HMG20B: variants seen among roughly 807,000 people sequenced by gnomAD.
HMG20B encodes high mobility group 20B, also known as SWI/SNF-related matrix-associated actin-dependent regulator of chromatin subfamily E member 1-related.
A neutral mutation model predicts 41.6 loss-of-function variants in HMG20B; 24 were observed. The observed-to-expected ratio is 0.58, with a 90% CI of 0.42 to 0.81. The LOEUF (loss-of-function observed/expected upper bound fraction) is 0.81. HMG20B is among the 30% of genes least tolerant of loss of function. HMG20B has a pLI of 0.00. For synonymous variants in HMG20B, 251 were observed against 186.6 expected (o/e 1.34, Z -2.81); for missense variants, 461 against 444.0 (o/e 1.04, Z -0.34).
chr19:3,577,853 G>A, intron 8 of HMG20B, 128 bp from the exon 9 acceptor site: 1 of 822,628 alleles, frequency 1.2e-6, no homozygotes, highest in Non-Finnish European at 1.8e-6. Context: ...CGCCGCTCCT[G>A]CGCTGGCGGT....
intron 4 of HMG20B, 92 bp downstream of exon 4, chr19:3,574,678 T>C (rs1009426312): frequency 8.1e-7 from 1 of 1,228,950 alleles, no homozygotes; most frequent in Non-Finnish European, 1.1e-6. Context: ...GTGCAGGGTT[T>C]TTCCTTCTTC....
rs983683476 is a variant in HMG20B at position 3,578,361 on chromosome 19, G to T, written c.942-148G>T. 1.0e-5 allele frequency: 13 copies of T among 1,260,220 alleles called. No homozygotes were observed. The South Asian group carries it at 1.6e-4, about 15-fold the overall frequency. The allele number at this position is 1,260,220 out of a possible 1,614,324, so 78.1% of individuals were successfully genotyped here. On this transcript the variant is annotated intron_variant, in intron 9 of 9. Transcript: ENST00000333651. Reference sequence around the variant, plus strand: ...AAAGCTTCTCAGGGTGGATCCCAGCGCCCGGGTTAGATAGGTTCAACGCCT... The same window carrying T: ...AAAGCTTCTCAGGGTGGATCCCAGCTCCCGGGTTAGATAGGTTCAACGCCT...
At chr19:3,575,095 A>G (rs933449742) in intron 4 of HMG20B, among the ~76,000 whole-genome samples, 26 of 152,332 alleles carry the variant, frequency 1.7e-4, no homozygotes, top group Admixed American at 7.2e-4. Context: ...AGATATGTCT[A>G]AGAAGTCAGG....
rs750945061 is a variant in HMG20B at position 3,578,045 on chromosome 19, C to A, written c.873C>A (p.Ile291=). 5 of 1,610,516 alleles carry A rather than the reference C, an allele frequency of 3.1e-6. No individual in the cohort carries two copies. Among genetic ancestry groups the A allele is most frequent in the Admixed American group, 1.7e-5 (1 of 59,888 alleles). Residue 291 remains isoleucine (I), a synonymous_variant, in exon 9 of 10, where the codon ATC becomes ATA. Coordinates refer to ENST00000333651, the MANE Select transcript of HMG20B (RefSeq NM_006339.3). The part of the protein sequence containing the change: ...DFYMARLHGA[I]ERDPAQHEKL... ...ACATGGCCCGGCTTCACGGAGCCAT[C>A]GAGCGCGACCCCGCCCAGCACGAGA...
rs1395885534 is a variant in HMG20B at position 3,579,053 on chromosome 19, T to A, written c.*532T>A. The A allele has an allele frequency of 6.0e-6, 2 of 335,652 alleles. No homozygotes were observed. The highest frequency in any genetic ancestry group is 2.2e-5 in the African/African-American group (1 of 46,254). The allele number at this position is 335,652 out of a possible 1,614,324, so 20.8% of individuals were successfully genotyped here. A position where few individuals can be genotyped will look rare whatever the true frequency, so the allele number is the denominator to read the frequency against. On this transcript the variant is annotated 3_prime_UTR_variant, in exon 10 of 10. Transcript: ENST00000333651. The surrounding 1 kb of genome is among the most constrained non-coding windows in gnomAD (Gnocchi z 7.4). Reference sequence around the variant, plus strand: ...TTCTCACTGCTGGATCCGGACTTTTTAAATAAAAACAAGTAAAATTTGTGT... The same window carrying A: ...TTCTCACTGCTGGATCCGGACTTTTAAAATAAAAACAAGTAAAATTTGTGT...
At chr19:3,577,904 CCCCCTACCGCTG>C in intron 8 of HMG20B, 65 bp from the exon 9 acceptor site, 2 of 1,364,952 alleles carry the variant, frequency 1.5e-6, no homozygotes, top group Admixed American at 4.4e-5. Flanking sequence ...CCCTGAGTCA[CCCCCTACCGCTG>C]CCCCTGGAGC....
At position 3,574,388 on chromosome 19, in the gene HMG20B, G is replaced by A. The variant is rs775365876; in HGVS notation, c.153G>A (p.Val51=). ...GACGCAGCCCGGTTCTGCAGCCGGT[G>A]AAGAAACGCGGCTGGCCCAAGGGCA... ...GEKGSHEEEP[V]KKRGWPKGKK... is the part of the protein sequence containing the mutation. The change falls in exon 4 of 10, where the codon GTG becomes GTA. Residue 51 remains valine (V), a synonymous_variant. Transcript: ENST00000333651. The A allele has an allele frequency of 3.8e-6, 6 of 1,587,478 alleles. No homozygotes were observed. The highest frequency in any genetic ancestry group is 5.1e-6 in the Non-Finnish European group (6 of 1,167,736).
chr19:3,576,830 C>A, intron 7 of HMG20B, 62 bp from the exon 8 acceptor site: 2 of 1,527,670 alleles, frequency 1.3e-6, no homozygotes, highest in South Asian at 2.4e-5. Flanking sequence ...ACGTCCCGGG[C>A]AAAAGCCCGG....
chr19:3,574,397 C>A lies in HMG20B; in HGVS notation c.162C>A (p.Arg54=), dbSNP rs760416634. The A allele has an allele frequency of 3.1e-6, 5 of 1,594,204 alleles. No homozygotes were observed. The South Asian group carries it at 3.4e-5, about 11-fold the overall frequency. The change falls in exon 4 of 10, where the codon CGC becomes CGA. Residue 54 remains arginine, a synonymous_variant. Transcript: ENST00000333651. ...GSHEEEPVKK[R]GWPKGKKRKK... ...CGGTTCTGCAGCCGGTGAAGAAACG[C>A]GGCTGGCCCAAGGGCAAGAAGCGGA...
chr19:3,576,956 A>G lies in HMG20B; in HGVS notation c.657A>G (p.Val219=). ...TGGCCTTCGAGGAGCAGAACGCGGT[A>G]CTGCAGAGGCACACGCAGAGCATGA... is the stretch of plus-strand genomic sequence containing the variant. ...MNVAFEEQNA[V]LQRHTQSMSS... The change falls in exon 8 of 10, where the codon GTA becomes GTG. Residue 219 remains valine, a synonymous_variant. Coordinates refer to ENST00000333651, the MANE Select transcript of HMG20B (RefSeq NM_006339.3). 6.3e-7 allele frequency: 1 copy of G among 1,582,082 alleles called. No homozygotes were observed. Among genetic ancestry groups the G allele is most frequent in the Non-Finnish European group, 8.6e-7 (1 of 1,165,636 alleles).
chr19:3,576,772 TGTG>T (rs2032170315), intron 7 of HMG20B, 117 bp from the exon 8 acceptor site: 2 of 1,285,366 alleles, frequency 1.6e-6, no homozygotes, highest in South Asian at 2.6e-5. Flanking sequence ...CAGAGGCTGA[TGTG>T]GAGCAGGAGG....
In HMG20B at chr19:3,573,278, CGTCCGTGTTCCAG is replaced by C; in HGVS notation, c.-18-8_-14del. On this transcript the variant is annotated splice_acceptor_variant and splice_polypyrimidine_tract_variant and intron_variant, in intron 1 of 9. Coordinates refer to ENST00000333651, the MANE Select transcript of HMG20B (RefSeq NM_006339.3). LOFTEE classifies it low-confidence loss of function (5UTR_SPLICE). ...CCCGGGCGCTACTCACCTCCGCCCG[CGTCCGTGTTCCAG>C]GTCCGGCCCGGAGCGGCCATGTCCC... The C allele has an allele frequency of 6.6e-7, 1 of 1,518,476 alleles. No homozygotes were observed. The highest frequency in any genetic ancestry group is 8.8e-7 in the Non-Finnish European group (1 of 1,137,300). 94.1% of individuals were successfully genotyped at this position (1,518,476 alleles called of 1,614,324 possible).
intron 7 of HMG20B, 102 bp downstream of exon 7, chr19:3,576,727 G>C: frequency 7.7e-7 from 1 of 1,295,096 alleles, no homozygotes; most frequent in South Asian, 1.3e-5. Context: ...GGATCGGGAG[G>C]TTCCCTATGA....
chr19:3,576,734 A>G (rs1810082081), intron 7 of HMG20B, 109 bp downstream of exon 7: 5 of 1,268,470 alleles, frequency 3.9e-6, no homozygotes, highest in East Asian at 2.5e-5. Flanking sequence ...GAGGTTCCCT[A>G]TGAGCGTCCA....
At position 3,575,638 on chromosome 19, in the gene HMG20B, C is replaced by T; in HGVS notation, c.450C>T (p.Ile150=). The T allele has an allele frequency of 6.4e-7, 1 of 1,551,120 alleles. No individual in the cohort carries two copies. Among genetic ancestry groups the T allele is most frequent in the Non-Finnish European group, 8.7e-7 (1 of 1,146,964 alleles). ...SEAYKMCTEK[I]QEKKIKKEDS... is the part of the protein sequence containing the mutation. Reference sequence around the variant, plus strand: ...CCTATAAGATGTGCACGGAGAAGATCCAGGAGAAGAAGATCAAGAAAGGTG... The same window carrying T: ...CCTATAAGATGTGCACGGAGAAGATTCAGGAGAAGAAGATCAAGAAAGGTG... The change falls in exon 5 of 10, where the codon ATC becomes ATT. Residue 150 remains isoleucine (I), a synonymous_variant. Coordinates refer to ENST00000333651, the MANE Select transcript of HMG20B (RefSeq NM_006339.3).
chr19:3,576,495 CAG>C (rs2032165106), intron 6 of HMG20B, 56 bp from the exon 7 acceptor site: 2 of 1,511,732 alleles, frequency 1.3e-6, no homozygotes, highest in African/African-American at 2.7e-5. Context: ...GGGGCACACC[CAG>C]AGAGCGTGGC....
chr19:3,573,891 C>T (rs1406411614), intron 3 of HMG20B, 91 bp downstream of exon 3: 1 of 1,194,440 alleles, frequency 8.4e-7, no homozygotes, highest in South Asian at 1.3e-5. Flanking sequence ...TTGCTTGTGG[C>T]TCCGCCCACA....
chr19:3,574,125 C>A, intron 3 of HMG20B: 1 of 621,694 alleles, frequency 1.6e-6, no homozygotes. Context: ...GCCACGCCCA[C>A]AACCGAAGTC....
intron 5 of HMG20B, 53 bp from the exon 6 acceptor site, chr19:3,576,199 GGTGCAGGGC>G: frequency 6.8e-7 from 1 of 1,480,222 alleles, no homozygotes; most frequent in East Asian, 2.3e-5. Flanking sequence ...GCTGACCTAG[GGTGCAGGGC>G]GTGGTCCCTG....
Sources: gnomAD v4.1 joint callset for allele counts (sites outside exome capture counted in the v4.1 genomes callset) on GRCh38, gnomAD v4.1.1 for gene constraint, Gnocchi (gnomAD v3.1) non-coding constraint, MANE v1.5 for transcripts, NCBI Gene and HGNC (gene_info 2026-07-23, HGNC 2026-07-21) for gene names.